Variants in ERG observed in about 807,000 individuals in gnomAD.
The protein encoded by ERG is transcriptional regulator ERG.
A neutral mutation model predicts 55.3 loss-of-function variants in ERG; 9 were observed. The observed-to-expected ratio is 0.16, with a 90% CI of 0.10 to 0.28. The LOEUF is 0.28. Among genes scored for constraint, ERG ranks in the 10% least tolerant of loss-of-function variants. The probability of loss-of-function intolerance (pLI) is 1.00; values close to 1 mark genes in which losing one functional copy is unlikely to be tolerated. For synonymous variants in ERG, 223 were observed against 237.3 expected (o/e 0.94, Z 0.55); for missense variants, 434 against 631.6 (o/e 0.69, Z 3.35).
intron 2 of ERG, among the ~76,000 whole-genome samples, chr21:38,506,945 C>T (rs2146712928): frequency 6.6e-6 from 1 of 152,202 alleles, no homozygotes; most frequent in African/African-American, 2.4e-5. Flanking sequence ...ACCTGCTCGT[C>T]TGCTATTTTT....
chr21:38,370,282 C>T, the ERG span, among the ~76,000 whole-genome samples: 3 of 151,878 alleles, frequency 2.0e-5, no homozygotes, highest in East Asian at 1.9e-4. Flanking sequence ...TATTTCCCAC[C>T]GTTTTTACTT....
At chr21:38,492,358 C>T (rs930095873) in intron 1 of ERG, among the ~76,000 whole-genome samples, 4 of 152,192 alleles carry the variant, frequency 2.6e-5, no homozygotes, top group Admixed American at 1.3e-4. Flanking sequence ...TTTATACTTT[C>T]TTAAACATCA....
chr21:38,392,508 T>A, intron 6 of ERG, 64 bp from the exon 7 acceptor site: 1 of 1,199,074 alleles, frequency 8.3e-7, no homozygotes. Flanking sequence ...ATGCTTTGGT[T>A]TTTTATTTGA....
chr21:38,625,974 G>A (rs998728723), intron 1 of ERG, among the ~76,000 whole-genome samples: 15 of 140,814 alleles, frequency 1.1e-4, no homozygotes, highest in Admixed American at 7.5e-4. Flanking sequence ...CCAGGCTGGA[G>A]TGCAGTGGCG....
At chr21:38,641,609 A>G (rs936692796) in intron 1 of ERG, among the ~76,000 whole-genome samples, 4 of 152,226 alleles carry the variant, frequency 2.6e-5, no homozygotes, top group Non-Finnish European at 5.9e-5. Flanking sequence ...AAATAAACTA[A>G]GCAATGTCAA....
chr21:38,455,298 T>C (rs1242101150), intron 1 of ERG, among the ~76,000 whole-genome samples: 1 of 152,208 alleles, frequency 6.6e-6, no homozygotes, highest in African/African-American at 2.4e-5. Context: ...GCAGTCTGGC[T>C]AAGAGGTTCA....
At chr21:38,371,014 T>A in the ERG span, among the ~76,000 whole-genome samples, 1 of 151,910 alleles carries the variant, frequency 6.6e-6, no homozygotes, top group Non-Finnish European at 1.5e-5. Context: ...ACAATAGACA[T>A]CTTTATAATA....
At chr21:38,660,430 C>T (rs1175708648) in intron 1 of ERG, 1 of 152,440 alleles carries the variant, frequency 6.6e-6, no homozygotes, top group African/African-American at 2.4e-5. Flanking sequence ...CAGAGTGAGC[C>T]CCTAGGGCCA....
intron 2 of ERG, among the ~76,000 whole-genome samples, chr21:38,523,686 T>C (rs895335882): frequency 6.6e-5 from 10 of 152,174 alleles, no homozygotes; most frequent in Admixed American, 3.9e-4. Flanking sequence ...CTAGCCCAAT[T>C]TGCTACTGGA....
chr21:38,404,163 A>G (rs1988650385), intron 3 of ERG, among the ~76,000 whole-genome samples: 1 of 152,178 alleles, frequency 6.6e-6, no homozygotes, highest in Admixed American at 6.5e-5. Context: ...GATCACAACA[A>G]CAACAAAAAT....
chr21:38,607,810 A>G (rs996053989), intron 1 of ERG, among the ~76,000 whole-genome samples: 2 of 152,210 alleles, frequency 1.3e-5, no homozygotes, highest in Non-Finnish European at 2.9e-5. Flanking sequence ...AAGCAGAACT[A>G]AAGAACTAGG....
intron 1 of ERG, among the ~76,000 whole-genome samples, chr21:38,494,982 G>T (rs986009256): frequency 3.3e-5 from 5 of 152,230 alleles, no homozygotes; most frequent in African/African-American, 1.2e-4. Context: ...GCTCTGAAAT[G>T]ACTTATGCAC....
Position 38,574,848 on chromosome 21 carries a change from T to C in ERG, c.-41+814A>G, listed in dbSNP as rs187856011. ...ATGCAGTCAATTACTTTGGCCAGCA[T>C]AGATATAGTTGAACTAACCAGCACA... On this transcript the variant is annotated intron_variant, in intron 2 of 8. Transcript: ENST00000398897. 2.7e-3 allele frequency among the ~76,000 whole-genome samples: 413 copies of C among 152,296 alleles called. 2 individuals carry two copies. The highest frequency in any genetic ancestry group is 9.3e-3 in the African/African-American group (386 of 41,558).
At chr21:38,607,269 A>G (rs1314938152) in intron 1 of ERG, among the ~76,000 whole-genome samples, 1 of 152,222 alleles carries the variant, frequency 6.6e-6, no homozygotes, top group African/African-American at 2.4e-5. Context: ...CAGACACTTA[A>G]TTAAAGAGCT....
chr21:38,462,254 A>G (rs577773004), intron 1 of ERG, among the ~76,000 whole-genome samples: 29 of 152,322 alleles, frequency 1.9e-4, no homozygotes, highest in Non-Finnish European at 3.4e-4. Flanking sequence ...AAGTGCTGGG[A>G]TTACAGTCAT....
At chr21:38,578,688 A>G (rs2060010028) in intron 1 of ERG, among the ~76,000 whole-genome samples, 1 of 152,114 alleles carries the variant, frequency 6.6e-6, no homozygotes, top group South Asian at 2.1e-4. Context: ...TGATCATCCC[A>G]TAGACAACCA....
intron 1 of ERG, among the ~76,000 whole-genome samples, chr21:38,640,481 G>A (rs964519482): frequency 1.3e-5 from 2 of 152,162 alleles, no homozygotes; most frequent in African/African-American, 4.8e-5. Context: ...TGTTGTGGGA[G>A]GGAGCCGGTG....
intron 2 of ERG, among the ~76,000 whole-genome samples, chr21:38,541,744 C>A (rs914230603): frequency 1.3e-5 from 2 of 152,040 alleles, no homozygotes; most frequent in Non-Finnish European, 2.9e-5. Flanking sequence ...AATGAATGCA[C>A]ATTATTCTTC....
chr21:38,374,363 A>C, the ERG span, among the ~76,000 whole-genome samples: 5 of 152,208 alleles, frequency 3.3e-5, no homozygotes, highest in Non-Finnish European at 4.4e-5. Context: ...TATTTGGTAA[A>C]GATTAATTGA....
Sources: allele counts gnomAD v4.1 joint callset (sites outside exome capture counted in the v4.1 genomes callset), GRCh38; gene constraint gnomAD v4.1.1; transcripts MANE v1.5; gene names NCBI Gene and HGNC (gene_info 2026-07-23, HGNC 2026-07-21).